The following CCDC171 variants were observed in gnomAD, a reference collection of about 807,000 sequenced individuals.
CCDC171 encodes the protein coiled-coil domain containing 171.
CCDC171 carries 177 observed loss-of-function variants against 168.2 expected under a neutral mutation model. The ratio of observed to expected loss-of-function variants is 1.05; its 90% CI spans 0.93 to 1.19. CCDC171 has a LOEUF of 1.19. CCDC171 is among the 50% of genes most tolerant of loss of function. The pLI is 0.00. For synonymous variants in CCDC171, 687 were observed against 540.8 expected (o/e 1.27, Z -3.75); for missense variants, 1,991 against 1,539.0 (o/e 1.29, Z -4.91).
At chr9:16,031,370 C>G (rs577176638) in intron 6 of CCDC171, among the ~76,000 whole-genome samples, 3 of 152,206 alleles carry the variant, frequency 2.0e-5, no homozygotes, top group Admixed American at 2.0e-4. Flanking sequence ...ACCTGAAAAA[C>G]TTGAAAGAAT....
chr9:15,567,260 T>C (rs1178495250), intron 2 of CCDC171, among the ~76,000 whole-genome samples: 1 of 152,184 alleles, frequency 6.6e-6, no homozygotes, highest in Non-Finnish European at 1.5e-5. Flanking sequence ...GACCTTGTGA[T>C]CCACCGGCCT....
At chr9:15,884,479 C>T (rs1290758415) in intron 24 of CCDC171, among the ~76,000 whole-genome samples, 1 of 152,032 alleles carries the variant, frequency 6.6e-6, no homozygotes, top group Non-Finnish European at 1.5e-5. Flanking sequence ...AACCATAAGT[C>T]TGTGCAATTT....
At chr9:15,934,606 G>A (rs566651070) in intron 25 of CCDC171, among the ~76,000 whole-genome samples, 12 of 151,788 alleles carry the variant, frequency 7.9e-5, no homozygotes, top group Non-Finnish European at 1.5e-4. Flanking sequence ...TCCTCAATAA[G>A]TTAAACTTGG....
Position 15,724,905 on chromosome 9 carries a change from G to C in CCDC171, c.1621G>C (p.Glu541Gln), listed in dbSNP as rs751348598. The C allele has an allele frequency of 2.5e-6, 4 of 1,613,890 alleles. No individual in the cohort carries two copies. In the Admixed American group the frequency reaches 6.7e-5, roughly 27 times the overall value. Residue 541 changes from glutamate (E) to glutamine (Q), a missense_variant, in exon 14 of 26, where the codon GAA becomes CAA. By Grantham distance (29) the Glu-to-Gln change is conservative. Transcript: ENST00000380701. ...LQNVLHCWEK[E>Q]KAQAAQSESE... ...AAATGTGCTGCACTGTTGGGAGAAA[G>C]AAAAGGCTCAGGCAGCCCAGTCTGA...
intron 18 of CCDC171, among the ~76,000 whole-genome samples, chr9:15,750,172 C>G (rs2055622912): frequency 6.6e-6 from 1 of 152,070 alleles, no homozygotes; most frequent in Non-Finnish European, 1.5e-5. Context: ...AGACTACCAT[C>G]AGAGAATGCT....
At chr9:15,791,931 A>G (rs998144386) in intron 21 of CCDC171, among the ~76,000 whole-genome samples, 1 of 152,200 alleles carries the variant, frequency 6.6e-6, no homozygotes, top group Admixed American at 6.5e-5. Flanking sequence ...CCCCCTCCAG[A>G]GGAACGCAGC....
At chr9:16,036,252 T>C (rs1833465234) in intron 8 of CCDC171, 1 of 152,154 alleles carries the variant, frequency 6.6e-6, no homozygotes, top group Admixed American at 6.6e-5. Context: ...GGAACGTGAA[T>C]TGGAAAGGCA....
At position 15,971,888 on chromosome 9, in the gene CCDC171, TTTGAA is replaced by T; in HGVS notation, c.*54_*58del. 1 of 1,459,170 alleles carries T rather than the reference TTTGAA, an allele frequency of 6.9e-7. No homozygotes were observed. Among genetic ancestry groups the T allele is most frequent in the South Asian group, 1.2e-5 (1 of 84,592 alleles). The allele number at this position is 1,459,170 out of a possible 1,614,324, so 90.4% of individuals were successfully genotyped here. On this transcript the variant is annotated 3_prime_UTR_variant, in exon 26 of 26. Coordinates refer to ENST00000380701, the MANE Select transcript of CCDC171 (RefSeq NM_173550.4). ...GAGTTAACAGTACAATTAAAATTGT[TTTGAA>T]TGGGAATTTTCTTATCAGTTGACTT...
chr9:15,773,737 A>G (rs192518415), intron 18 of CCDC171, among the ~76,000 whole-genome samples: 5 of 152,088 alleles, frequency 3.3e-5, no homozygotes, highest in Non-Finnish European at 7.3e-5. Context: ...TTAATATAGA[A>G]TGAATTGCAC....
chr9:16,047,343 C>T (rs1355265005), intron 1 of CCDC171, among the ~76,000 whole-genome samples: 4 of 152,096 alleles, frequency 2.6e-5, no homozygotes, highest in African/African-American at 4.8e-5. Context: ...AATCTGGGAG[C>T]GATCCTAACC....
chr9:15,825,201 G>T (rs187428746), intron 21 of CCDC171, among the ~76,000 whole-genome samples: 84 of 152,182 alleles, frequency 5.5e-4, no homozygotes, highest in African/African-American at 1.9e-3. Context: ...GTGGAATTTA[G>T]ATTGCTATAG....
At chr9:16,038,937 G>C (rs576577683), upstream of CCDC171, among the ~76,000 whole-genome samples, 2 of 149,318 alleles carry the variant, frequency 1.3e-5, no homozygotes, top group South Asian at 4.3e-4. Context: ...TATGATTACT[G>C]ATAAAGGTTG....
At chr9:15,621,021 A>G (rs1021882010) in intron 6 of CCDC171, among the ~76,000 whole-genome samples, 1 of 152,160 alleles carries the variant, frequency 6.6e-6, no homozygotes, top group Non-Finnish European at 1.5e-5. Flanking sequence ...GCTGGAGTGC[A>G]GTGGCGTGAT....
At chr9:15,904,141 A>G (rs1822145225) in intron 24 of CCDC171, among the ~76,000 whole-genome samples, 1 of 152,208 alleles carries the variant, frequency 6.6e-6, no homozygotes, top group African/African-American at 2.4e-5. Context: ...ATCTAGCAAG[A>G]CAGGCCAACA....
Position 15,678,885 on chromosome 9 carries a change from G to A in CCDC171, c.1204G>A (p.Glu402Lys), listed in dbSNP as rs1476713051. ...NEKSCSELQE[E>K]LVMAKKHQAF... ...AAAAAGTTGCAGTGAATTACAGGAA[G>A]AACTAGTAATGGTAAGGATAAAAAA... The change falls in exon 10 of 26, where the codon GAA becomes AAA. Residue 402 changes from glutamate to lysine, a missense_variant. Glu to Lys is a moderately conservative substitution (Grantham distance 56). Transcript: ENST00000380701. The A allele has an allele frequency of 6.3e-7, 1 of 1,583,012 alleles. No individual in the cohort carries two copies.
chr9:15,613,813 G>A (rs546119495), intron 6 of CCDC171, among the ~76,000 whole-genome samples: 13 of 152,230 alleles, frequency 8.5e-5, no homozygotes, highest in Admixed American at 2.0e-4. Flanking sequence ...GTGAACCACC[G>A]TGCCTGGACC....
chr9:15,668,567 A>G (rs1351748046), intron 9 of CCDC171, among the ~76,000 whole-genome samples: 1 of 152,126 alleles, frequency 6.6e-6, no homozygotes, highest in African/African-American at 2.4e-5. Context: ...TTAAATAATA[A>G]TAAATAAATA....
At chr9:15,917,309 A>G (rs1269380217) in intron 24 of CCDC171, among the ~76,000 whole-genome samples, 1 of 152,022 alleles carries the variant, frequency 6.6e-6, no homozygotes, top group Non-Finnish European at 1.5e-5. Flanking sequence ...TATTTTATAC[A>G]TATTAGTAAC....
intron 8 of CCDC171, 113 bp from the exon 9 acceptor site, chr9:15,666,050 G>A: frequency 1.1e-6 from 1 of 893,866 alleles, no homozygotes; most frequent in Non-Finnish European, 1.7e-6. Flanking sequence ...AAAGCAGAAA[G>A]AAAGAAGTGC....
Sources: gnomAD v4.1 joint callset for allele counts (sites outside exome capture counted in the v4.1 genomes callset) on GRCh38, gnomAD v4.1.1 for gene constraint, MANE v1.5 for transcripts, NCBI Gene and HGNC (gene_info 2026-07-23, HGNC 2026-07-21) for gene names.